The following ENTREP2 variants were observed in gnomAD, a reference collection of about 807,000 sequenced individuals.
ENTREP2 encodes the protein endosomal transmembrane epsin interactor 2, also known as protein ENTREP2.
the ENTREP2 span, among the ~76,000 whole-genome samples, chr15:29,403,330 T>C: frequency 6.6e-6 from 1 of 152,058 alleles, no homozygotes; most frequent in Non-Finnish European, 1.5e-5. Context: ...CAGAAAAAAG[T>C]ATGAAGTGGG....
the ENTREP2 span, among the ~76,000 whole-genome samples, chr15:29,635,501 CAG>C: frequency 2.0e-5 from 3 of 152,106 alleles, no homozygotes; most frequent in Admixed American, 6.6e-5. Flanking sequence ...GTGCATGGGA[CAG>C]GGGACACAGA....
At chr15:29,336,313 TTTG>T in the ENTREP2 span, among the ~76,000 whole-genome samples, 556 of 151,780 alleles carry the variant, frequency 3.7e-3, 6 homozygotes, top group African/African-American at 0.013. Flanking sequence ...ATTAATATGG[TTTG>T]TTGTTGTTGT....
the ENTREP2 span, among the ~76,000 whole-genome samples, chr15:29,176,681 G>A: frequency 1.3e-5 from 2 of 152,236 alleles, no homozygotes; most frequent in Non-Finnish European, 2.9e-5. Flanking sequence ...GGACGGGGCA[G>A]CACCGTGCAC....
the ENTREP2 span, among the ~76,000 whole-genome samples, chr15:29,164,650 T>C: frequency 0.77 from 117,750 of 152,106 alleles, 46,991 homozygotes; most frequent in Non-Finnish European, 0.87. Context: ...AATATATGCA[T>C]CTAACACTGG....
chr15:29,556,075 G>A, the ENTREP2 span, among the ~76,000 whole-genome samples: 2 of 152,144 alleles, frequency 1.3e-5, no homozygotes, highest in Admixed American at 1.3e-4. Context: ...GCAACATAAC[G>A]AGACCTCCTC....
the ENTREP2 span, among the ~76,000 whole-genome samples, chr15:29,618,971 C>T: frequency 2.6e-5 from 4 of 152,214 alleles, no homozygotes. Flanking sequence ...GGAAGATTCC[C>T]CTGGCTGCGG....
At chr15:29,526,523 G>A in the ENTREP2 span, among the ~76,000 whole-genome samples, 1 of 151,998 alleles carries the variant, frequency 6.6e-6, no homozygotes, top group Non-Finnish European at 1.5e-5. Context: ...GGGTGCAATA[G>A]CGTGATCATA....
chr15:29,565,960 CAAA>C, the ENTREP2 span, among the ~76,000 whole-genome samples: 1 of 123,282 alleles, frequency 8.1e-6, no homozygotes. Flanking sequence ...GGCTCTGTCT[CAAA>C]AAAAAAAAGA....
the ENTREP2 span, among the ~76,000 whole-genome samples, chr15:29,433,448 G>C: frequency 1.3e-5 from 2 of 152,072 alleles, no homozygotes; most frequent in Non-Finnish European, 2.9e-5. Flanking sequence ...TATTCTTAAG[G>C]CTGCTCATAG....
chr15:29,251,266 C>T, the ENTREP2 span, among the ~76,000 whole-genome samples: 2 of 152,202 alleles, frequency 1.3e-5, no homozygotes, highest in Admixed American at 6.5e-5. Flanking sequence ...TGTCCCCATA[C>T]CCAGGGAACC....
the ENTREP2 span, among the ~76,000 whole-genome samples, chr15:29,625,865 T>G: frequency 6.6e-6 from 1 of 151,260 alleles, no homozygotes; most frequent in African/African-American, 2.4e-5. Flanking sequence ...CTTTTCTTTT[T>G]TATTTTATTT....
At chr15:29,202,447 T>C in the ENTREP2 span, among the ~76,000 whole-genome samples, 122 of 152,296 alleles carry the variant, frequency 8.0e-4, 1 homozygote, top group South Asian at 0.015. Flanking sequence ...ATCAAGCTAA[T>C]TCACAAATCA....
chr15:29,224,421 C>T, the ENTREP2 span, among the ~76,000 whole-genome samples: 1 of 152,104 alleles, frequency 6.6e-6, no homozygotes, highest in Non-Finnish European at 1.5e-5. Flanking sequence ...GCTCGGGCAG[C>T]CCGCTTTTAG....
the ENTREP2 span, among the ~76,000 whole-genome samples, chr15:29,149,474 T>G: frequency 6.6e-6 from 1 of 152,232 alleles, no homozygotes; most frequent in Admixed American, 6.5e-5. Flanking sequence ...CGGAAGCTAC[T>G]GGTAGGGAAT....
At chr15:29,387,397 G>A in the ENTREP2 span, among the ~76,000 whole-genome samples, 4 of 152,222 alleles carry the variant, frequency 2.6e-5, no homozygotes, top group South Asian at 2.1e-4. Context: ...AAATACCTAG[G>A]AATCCAACTT....
chr15:29,648,161 G>A, the ENTREP2 span, among the ~76,000 whole-genome samples: 2 of 152,092 alleles, frequency 1.3e-5, no homozygotes, highest in African/African-American at 2.4e-5. Context: ...GGTGCCATGG[G>A]GTACCAAAAA....
chr15:29,656,504 G>A, the ENTREP2 span, among the ~76,000 whole-genome samples: 28 of 152,318 alleles, frequency 1.8e-4, 1 homozygote, highest in East Asian at 5.0e-3. Flanking sequence ...TACAATTACA[G>A]GCGTGGGCCA....
chr15:29,226,437 A>G, the ENTREP2 span, among the ~76,000 whole-genome samples: 4 of 152,244 alleles, frequency 2.6e-5, no homozygotes, highest in Non-Finnish European at 4.4e-5. Context: ...CCATCATGAC[A>G]ACGCACAAAT....
chr15:29,428,193 C>T, the ENTREP2 span, among the ~76,000 whole-genome samples: 18 of 152,212 alleles, frequency 1.2e-4, no homozygotes, highest in South Asian at 2.1e-4. Context: ...GTGGAGACTC[C>T]GATACACTCA....
Sources: gnomAD v4.1 joint callset for allele counts (sites outside exome capture counted in the v4.1 genomes callset) on GRCh38, gnomAD v4.1.1 for gene constraint, MANE v1.5 for transcripts, NCBI Gene and HGNC (gene_info 2026-07-23, HGNC 2026-07-21) for gene names.